Variants in COL21A1 observed in about 807,000 individuals in gnomAD.
The protein encoded by COL21A1 is collagen alpha-1(XXI) chain.
Under a neutral mutation model 137.9 loss-of-function variants are expected in COL21A1, and 149 were observed. That is an observed-to-expected ratio of 1.08 (90% confidence interval 0.95 to 1.24). COL21A1 has a LOEUF of 1.24. Ranked by LOEUF, COL21A1 falls within the 50% of genes most tolerant of loss-of-function variation. The pLI, the probability that COL21A1 is intolerant of heterozygous loss-of-function variation, is 0.00. For synonymous variants in COL21A1, 456 were observed against 391.5 expected (o/e 1.16, Z -1.95); for missense variants, 1,167 against 1,158.4 (o/e 1.01, Z -0.11).
intron 1 of COL21A1, among the ~76,000 whole-genome samples, chr6:56,309,297 C>T (rs1049362250): frequency 1.3e-5 from 2 of 152,142 alleles, no homozygotes; most frequent in African/African-American, 2.4e-5. Context: ...CTCGGCCTCC[C>T]AAAGTGCTGG....
At chr6:56,214,163 A>G (rs1282918251) in intron 1 of COL21A1, among the ~76,000 whole-genome samples, 1 of 152,200 alleles carries the variant, frequency 6.6e-6, no homozygotes. Flanking sequence ...TTCAAGTTCC[A>G]TGATAAAGGA....
At position 56,155,636 on chromosome 6, in the gene COL21A1, T is replaced by C. The variant is rs370567531; in HGVS notation, c.1434+1251A>G. Among the ~76,000 whole-genome samples, 25 of 152,356 alleles carry C rather than the reference T, an allele frequency of 1.6e-4. No homozygotes were observed. In the East Asian group the frequency reaches 1.9e-3, roughly 12 times the overall value. ...TTTCATTTTATTTTGAGACAGACTT[T>C]TGTGCTGTCACCCAGGCTGGCATGA... On this transcript the variant is annotated intron_variant, in intron 10 of 29. Transcript: ENST00000244728.
chr6:56,297,312 C>T (rs1764186468), intron 1 of COL21A1, among the ~76,000 whole-genome samples: 1 of 152,050 alleles, frequency 6.6e-6, no homozygotes, highest in Non-Finnish European at 1.5e-5. Flanking sequence ...CCCAAAAAAA[C>T]CTGCAAATCT....
intron 1 of COL21A1, among the ~76,000 whole-genome samples, chr6:56,371,949 G>C (rs1272807203): frequency 6.6e-6 from 1 of 152,118 alleles, no homozygotes; most frequent in Non-Finnish European, 1.5e-5. Context: ...CTTGTGACTG[G>C]GTTGGACCCA....
intron 1 of COL21A1, among the ~76,000 whole-genome samples, chr6:56,284,322 G>A (rs1313363332): frequency 6.6e-6 from 1 of 152,152 alleles, no homozygotes; most frequent in East Asian, 1.9e-4. Flanking sequence ...CCAAAGTGCT[G>A]GGTTTACAGG....
intron 1 of COL21A1, among the ~76,000 whole-genome samples, chr6:56,261,161 C>A (rs1162518928): frequency 1.6e-4 from 25 of 152,018 alleles, no homozygotes; most frequent in Admixed American, 1.6e-3. Context: ...CCCACCCTCT[C>A]CCTCTCCCTC....
intron 1 of COL21A1, among the ~76,000 whole-genome samples, chr6:56,347,907 T>C (rs1375317948): frequency 6.6e-6 from 1 of 152,184 alleles, no homozygotes; most frequent in Non-Finnish European, 1.5e-5. Context: ...AGAAGTATTA[T>C]AAGTTAAAGA....
chr6:56,332,903 G>C (rs891038855), intron 1 of COL21A1, among the ~76,000 whole-genome samples: 7 of 152,096 alleles, frequency 4.6e-5, no homozygotes, highest in African/African-American at 7.2e-5. Flanking sequence ...CTCTTTAGGT[G>C]TTAAAAATTA....
At chr6:56,137,774 T>C (rs1386538088) in intron 12 of COL21A1, among the ~76,000 whole-genome samples, 3 of 152,090 alleles carry the variant, frequency 2.0e-5, no homozygotes, top group Non-Finnish European at 4.4e-5. Context: ...TAACATCCAA[T>C]AAATAAGGCA....
chr6:56,178,320 T>G (rs1323506418), intron 3 of COL21A1, among the ~76,000 whole-genome samples: 2 of 152,142 alleles, frequency 1.3e-5, no homozygotes, highest in Non-Finnish European at 2.9e-5. Context: ...ATCTAACTAC[T>G]AGAGATTCAT....
intron 1 of COL21A1, among the ~76,000 whole-genome samples, chr6:56,189,348 C>A (rs1405478019): frequency 6.6e-6 from 1 of 151,382 alleles, no homozygotes; most frequent in African/African-American, 2.4e-5. Flanking sequence ...CTGAATCAAT[C>A]AAGCAGAAGA....
intron 1 of COL21A1, among the ~76,000 whole-genome samples, chr6:56,384,568 C>T (rs1656065877): frequency 6.6e-6 from 1 of 152,186 alleles, no homozygotes; most frequent in Non-Finnish European, 1.5e-5. Context: ...GGTTTGGTTA[C>T]ATTCGGGGAA....
chr6:56,059,215 C>A lies in COL21A1; in HGVS notation c.2636G>T (p.Gly879Val). 6.2e-7 allele frequency: 1 copy of A among 1,606,642 alleles called. No homozygotes were observed. The change falls in exon 29 of 30, where the codon GGG becomes GTG. Residue 879 changes from glycine to valine, a missense_variant. Physicochemically the swap from Gly to Val is moderately radical, Grantham distance 109. Coordinates refer to ENST00000244728, the MANE Select transcript of COL21A1 (RefSeq NM_030820.4). Reference sequence around the variant, plus strand: ...TCCAGGATACCCAAACCCTTGGCTCCCTTTTTCCCCATTTCTTCCTGGTAG... The same window carrying A: ...TCCAGGATACCCAAACCCTTGGCTCACTTTTTCCCCATTTCTTCCTGGTAG... ...KGLPGRNGEK[G>V]SQGFGYPGEQ...
intron 1 of COL21A1, among the ~76,000 whole-genome samples, chr6:56,303,730 T>C (rs1453987155): frequency 6.6e-6 from 1 of 152,158 alleles, no homozygotes; most frequent in African/African-American, 2.4e-5. Flanking sequence ...TATTTCCTTC[T>C]CCTGCCTGAT....
chr6:56,364,431 G>A (rs1227863133), intron 1 of COL21A1, among the ~76,000 whole-genome samples: 1 of 152,228 alleles, frequency 6.6e-6, no homozygotes, highest in African/African-American at 2.4e-5. Flanking sequence ...CCTGGATGCT[G>A]TTAACAGATG....
chr6:56,112,812 G>C (rs987705422), intron 16 of COL21A1, among the ~76,000 whole-genome samples: 2 of 151,138 alleles, frequency 1.3e-5, no homozygotes, highest in East Asian at 3.9e-4. Flanking sequence ...AGCCTCCCAA[G>C]TAGCTGGGAT....
intron 1 of COL21A1, among the ~76,000 whole-genome samples, chr6:56,316,828 A>T (rs1280431870): frequency 6.6e-6 from 1 of 152,150 alleles, no homozygotes. Flanking sequence ...TTTTATAAAA[A>T]TACTTCAAGA....
At chr6:56,166,875 A>G (rs953060380) in intron 7 of COL21A1, 31 bp downstream of exon 7, 1 of 1,541,216 alleles carries the variant, frequency 6.5e-7, no homozygotes, top group Admixed American at 1.7e-5. Context: ...CTAAAGCAAC[A>G]TCTGGGAAAA....
At position 56,153,964 on chromosome 6, in the gene COL21A1, G is replaced by A. The variant is rs144388053; in HGVS notation, c.1434+2923C>T. ...TCTGCATGAAAATAAGTCCCAACTG[G>A]CCACCTCCAACCTGTCCAAAAATAT... On this transcript the variant is annotated intron_variant, in intron 10 of 29. Coordinates refer to ENST00000244728, the MANE Select transcript of COL21A1 (RefSeq NM_030820.4). Among the ~76,000 whole-genome samples, 9 of 152,182 alleles carry A rather than the reference G, an allele frequency of 5.9e-5. No homozygotes were observed. The East Asian group carries it at 1.7e-3, about 29-fold the overall frequency.
Sources: gnomAD v4.1 joint callset for allele counts (sites outside exome capture counted in the v4.1 genomes callset) on GRCh38, gnomAD v4.1.1 for gene constraint, MANE v1.5 for transcripts, NCBI Gene and HGNC (gene_info 2026-07-23, HGNC 2026-07-21) for gene names.